The following RGS7 variants were observed in gnomAD, a reference collection of about 807,000 sequenced individuals.
RGS7 encodes regulator of G-protein signaling 7.
In RGS7, 27 loss-of-function variants were observed where a neutral mutation model predicts 81.1. That is an observed-to-expected ratio of 0.33 (90% confidence interval 0.25 to 0.46). RGS7 has a LOEUF of 0.46. RGS7 is among the 20% of genes least tolerant of loss of function. The pLI, the probability that RGS7 is intolerant of heterozygous loss-of-function variation, is 1.00. For synonymous variants in RGS7, 208 were observed against 207.7 expected (o/e 1.00, Z -0.01); for missense variants, 396 against 607.4 (o/e 0.65, Z 3.66).
chr1:240,871,598 C>T (rs1328049512), intron 6 of RGS7, among the ~76,000 whole-genome samples: 1 of 152,136 alleles, frequency 6.6e-6, no homozygotes, highest in Non-Finnish European at 1.5e-5. Context: ...TTTTAAAAGT[C>T]AGACTTCATA....
chr1:241,191,191 A>AAG (rs2072622443), intron 2 of RGS7, among the ~76,000 whole-genome samples: 1 of 152,196 alleles, frequency 6.6e-6, no homozygotes, highest in South Asian at 2.1e-4. Context: ...CATGTTGGCC[A>AAG]GGATGGTCTC....
intron 4 of RGS7, among the ~76,000 whole-genome samples, chr1:240,944,771 T>C (rs1415552721): frequency 1.3e-5 from 2 of 152,196 alleles, no homozygotes; most frequent in African/African-American, 4.8e-5. Flanking sequence ...TGGAGTGCAG[T>C]GGCGCGATCT....
intron 2 of RGS7, among the ~76,000 whole-genome samples, chr1:241,303,939 A>G (rs2079928412): frequency 6.6e-6 from 1 of 152,218 alleles, no homozygotes; most frequent in African/African-American, 2.4e-5. Context: ...AGGAACTGTC[A>G]TGCTGGTTGT....
At chr1:240,849,193 C>A (rs573133443) in intron 9 of RGS7, among the ~76,000 whole-genome samples, 2 of 152,094 alleles carry the variant, frequency 1.3e-5, no homozygotes, top group Non-Finnish European at 2.9e-5. Context: ...TTCTACTTTG[C>A]CTTTAATTAC....
Position 241,192,948 on chromosome 1 carries a change from A to G in RGS7, c.79-94186T>C, listed in dbSNP as rs1055416208. On this transcript the variant is annotated intron_variant, in intron 2 of 18. Transcript: ENST00000440928. ...TTTTAAGTACTCTTATGCTAAACAC[A>G]ATGGAGAAAATTAAGGTACAAAGGC... 2.6e-5 allele frequency among the ~76,000 whole-genome samples: 4 copies of G among 152,234 alleles called. No homozygotes were observed. In the East Asian group the frequency reaches 7.7e-4, roughly 29 times the overall value.
chr1:241,171,710 T>C (rs1460172752), intron 2 of RGS7, among the ~76,000 whole-genome samples: 1 of 152,196 alleles, frequency 6.6e-6, no homozygotes, highest in Non-Finnish European at 1.5e-5. Flanking sequence ...ATGGATTAAG[T>C]CGGTACCCTA....
chr1:241,112,357 C>T (rs1268662622), intron 2 of RGS7, among the ~76,000 whole-genome samples: 1 of 152,058 alleles, frequency 6.6e-6, no homozygotes, highest in African/African-American at 2.4e-5. Flanking sequence ...CCATCACCAC[C>T]GTATATATGA....
chr1:240,894,466 C>T (rs1668730548), intron 6 of RGS7, among the ~76,000 whole-genome samples: 1 of 151,762 alleles, frequency 6.6e-6, no homozygotes. Context: ...GTGTTTTAAC[C>T]TCTCTTCCAT....
chr1:241,107,689 G>A (rs150677542), intron 2 of RGS7, among the ~76,000 whole-genome samples: 5 of 152,060 alleles, frequency 3.3e-5, no homozygotes, highest in Admixed American at 2.0e-4. Flanking sequence ...AGCCTCAAAC[G>A]TTGTGCTCAA....
chr1:240,798,290 G>T (rs985261261), intron 18 of RGS7, among the ~76,000 whole-genome samples: 4 of 152,176 alleles, frequency 2.6e-5, no homozygotes, highest in Non-Finnish European at 5.9e-5. Context: ...TTATGAATCT[G>T]GGTAACTAAC....
At chr1:240,857,687 A>C (rs759858213) in intron 9 of RGS7, among the ~76,000 whole-genome samples, 59 of 151,928 alleles carry the variant, frequency 3.9e-4, no homozygotes, top group Non-Finnish European at 7.6e-4. Flanking sequence ...AAGTCCTTCC[A>C]TGTCTTTTTG....
chr1:241,146,724 A>G (rs1475809196), intron 2 of RGS7, among the ~76,000 whole-genome samples: 2 of 152,204 alleles, frequency 1.3e-5, no homozygotes, highest in African/African-American at 4.8e-5. Flanking sequence ...TTCAGCGGCT[A>G]TAACAAAATA....
intron 4 of RGS7, among the ~76,000 whole-genome samples, chr1:240,955,591 G>A (rs61834098): frequency 0.88 from 129,170 of 146,142 alleles, 56,963 homozygotes; most frequent in Admixed American, 0.94. Flanking sequence ...AAACCGATTT[G>A]GAATATCCAC....
chr1:241,132,432 C>G (rs1269209126), intron 2 of RGS7: 1 of 153,812 alleles, frequency 6.5e-6, no homozygotes, highest in African/African-American at 2.4e-5. Flanking sequence ...AGACAGGACC[C>G]CTGTCCCCAT....
rs182124230 is a variant in RGS7 at position 241,273,359 on chromosome 1, A to T, written c.78+82340T>A. Among the ~76,000 whole-genome samples, 583 of 152,248 alleles carry T rather than the reference A, an allele frequency of 3.8e-3. 6 individuals are homozygous for T. The highest frequency in any genetic ancestry group is 0.013 in the African/African-American group (546 of 41,534). On this transcript the variant is annotated intron_variant, in intron 2 of 18. Transcript: ENST00000440928. ...GTATCTGCACATTGTCAAGACTCTGAAAATATTGTTCTCCTTAACAGCCCA... is the reference window on the plus strand; with the variant it reads ...GTATCTGCACATTGTCAAGACTCTGTAAATATTGTTCTCCTTAACAGCCCA...
chr1:241,086,294 T>G (rs1046757376), intron 3 of RGS7, among the ~76,000 whole-genome samples: 8 of 152,034 alleles, frequency 5.3e-5, no homozygotes, highest in Middle Eastern at 3.2e-3. Context: ...GAAGAGAGAA[T>G]CTCTTGTGTT....
chr1:241,254,589 C>G (rs2076978217), intron 2 of RGS7, among the ~76,000 whole-genome samples: 1 of 152,164 alleles, frequency 6.6e-6, no homozygotes, highest in Middle Eastern at 3.2e-3. Flanking sequence ...TTCCAAAGGT[C>G]TTACCTCCAA....
chr1:241,195,829 G>A (rs2073029883), intron 2 of RGS7, among the ~76,000 whole-genome samples: 1 of 151,908 alleles, frequency 6.6e-6, no homozygotes, highest in Non-Finnish European at 1.5e-5. Flanking sequence ...ATAAAGAAAA[G>A]AGCATGCAAA....
intron 3 of RGS7, among the ~76,000 whole-genome samples, chr1:241,015,700 A>T (rs768993121): frequency 6.6e-6 from 1 of 152,224 alleles, no homozygotes; most frequent in African/African-American, 2.4e-5. Flanking sequence ...TATCAAGTGA[A>T]TTTATGTAAG....
Sources: allele counts gnomAD v4.1 joint callset (sites outside exome capture counted in the v4.1 genomes callset), GRCh38; gene constraint gnomAD v4.1.1; transcripts MANE v1.5; gene names NCBI Gene and HGNC (gene_info 2026-07-23, HGNC 2026-07-21).